ABL2: variants seen among roughly 807,000 people sequenced by gnomAD.
ABL2 encodes tyrosine-protein kinase ABL2.
ABL2 carries 49 observed loss-of-function variants against 107.7 expected under a neutral mutation model. The ratio of observed to expected loss-of-function variants is 0.45; its 90% confidence interval spans 0.36 to 0.58. The LOEUF (loss-of-function observed/expected upper bound fraction) is 0.58. Among genes scored for constraint, ABL2 ranks in the 20% least tolerant of loss-of-function variants. ABL2 has a pLI of 0.00. For synonymous variants in ABL2, 549 were observed against 548.6 expected, an observed-to-expected ratio of 1.00 and a Z score of -0.01; for missense variants, 1,245 against 1,457.0, an observed-to-expected ratio of 0.85 and a Z score of 2.37.
intron 1 of ABL2, among the ~76,000 whole-genome samples, chr1:179,152,380 TTC>T (rs1246699102): frequency 6.6e-6 from 1 of 152,216 alleles, no homozygotes; most frequent in Non-Finnish European, 1.5e-5. Context: ...ATAAAATACC[TTC>T]TCTGAGAGTA....
intron 3 of ABL2, among the ~76,000 whole-genome samples, chr1:179,129,941 T>C (rs909589589): frequency 6.6e-6 from 1 of 151,856 alleles, no homozygotes; most frequent in South Asian, 2.1e-4. Flanking sequence ...CCTATTCTTT[T>C]GTTTTTGTTT....
At chr1:179,147,181 CAAAAAAAAA>C (rs58297805) in intron 1 of ABL2, among the ~76,000 whole-genome samples, 41 of 50,536 alleles carry the variant, frequency 8.1e-4, no homozygotes, top group South Asian at 3.5e-3. Context: ...CAGAGAAATG[CAAAAAAAAA>C]AAAAAAAAAA....
Position 179,108,917 on chromosome 1 carries a change from T to A in ABL2, c.2350A>T (p.Thr784Ser), listed in dbSNP as rs55892721. The change falls in exon 12 of 12, where the codon ACA (threonine) becomes TCA (serine). Residue 784 changes from threonine (T) to serine (S), a missense_variant. Physicochemically the swap from Thr to Ser is moderately conservative, Grantham distance 58. Transcript: ENST00000502732. ...GGAAGCCCTGAGGACATGGAAGATG[T>A]AGAGTTTGACCTTGGAAAAGGCTTG... ...TSKPFPRSNSTSSMSSGLPEQ... is the reference protein window; with the variant it reads ...TSKPFPRSNSSSSMSSGLPEQ... 3.4e-3 allele frequency: 5,487 copies of A among 1,614,082 alleles called. 24 individuals are homozygous for A. Among genetic ancestry groups the A allele is most frequent in the Middle Eastern group, 7.4e-3 (45 of 6,062 alleles).
chr1:179,105,303 GC>G lies in ABL2; in HGVS notation c.*2414del. On this transcript the variant is annotated 3_prime_UTR_variant, in exon 12 of 12. Coordinates refer to ENST00000502732, the MANE Select transcript of ABL2 (RefSeq NM_007314.4). ...TCCAGAACTCTCAAGGGAAAATAGAGCCCTTGCTTAAAAAACAAAAAACAAA... is the reference window on the plus strand; with the variant it reads ...TCCAGAACTCTCAAGGGAAAATAGAGCCTTGCTTAAAAAACAAAAAACAAA... The G allele has an allele frequency of 4.3e-6, 1 of 231,070 alleles. No individual in the cohort carries two copies. The highest frequency in any genetic ancestry group is 8.6e-6 in the Non-Finnish European group (1 of 116,804). The allele number at this position is 231,070 out of a possible 1,614,324, so 14.3% of individuals were successfully genotyped here.
intron 1 of ABL2, among the ~76,000 whole-genome samples, chr1:179,189,416 G>A (rs1660871258): frequency 1.3e-5 from 2 of 152,142 alleles, no homozygotes; most frequent in Admixed American, 6.5e-5. Flanking sequence ...TTACAGGCAT[G>A]AGCCACCGCG....
At chr1:179,112,432 T>G in intron 9 of ABL2, 34 bp from the exon 10 acceptor site, 1 of 1,552,432 alleles carries the variant, frequency 6.4e-7, no homozygotes. Context: ...TAAAAACTCC[T>G]TGCAGAAATT....
intron 1 of ABL2, among the ~76,000 whole-genome samples, chr1:179,137,458 G>A (rs955651612): frequency 4.6e-5 from 7 of 151,914 alleles, no homozygotes; most frequent in African/African-American, 1.7e-4. Flanking sequence ...CAGTGACACT[G>A]GTAACACATT....
chr1:179,124,570 C>A (rs1655566222), intron 4 of ABL2, among the ~76,000 whole-genome samples: 1 of 141,436 alleles, frequency 7.1e-6, no homozygotes, highest in African/African-American at 2.7e-5. Flanking sequence ...CCAGGTTCAA[C>A]CAATTCTCCT....
intron 9 of ABL2, 97 bp downstream of exon 9, chr1:179,114,781 A>G: frequency 1.6e-6 from 2 of 1,284,596 alleles, no homozygotes; most frequent in South Asian, 3.8e-5. Flanking sequence ...GCTGGATTCA[A>G]TCTAACAACA....
intron 1 of ABL2, among the ~76,000 whole-genome samples, chr1:179,192,664 T>C (rs934709981): frequency 2.6e-5 from 4 of 152,148 alleles, no homozygotes; most frequent in African/African-American, 7.2e-5. Flanking sequence ...GTGCCAGACA[T>C]AAAAGAATGA....
chr1:179,102,042 C>A lies in ABL2; in HGVS notation c.*5676G>T, dbSNP rs1653145034. On this transcript the variant is annotated 3_prime_UTR_variant, in exon 12 of 12. Transcript: ENST00000502732. ...TTTTTTTTTTTTTTTGAGACGGAGT[C>A]TCACTGTCACCCAGGCTGGAGTGCA... 1.0e-5 allele frequency: 1 copy of A among 97,040 alleles called. No homozygotes were observed. 6.0% of individuals were successfully genotyped at this position (97,040 alleles called of 1,614,324 possible).
chr1:179,162,864 G>T (rs1362052793), intron 1 of ABL2, among the ~76,000 whole-genome samples: 1 of 152,112 alleles, frequency 6.6e-6, no homozygotes, highest in Non-Finnish European at 1.5e-5. Context: ...AATTATAGCA[G>T]AACCCACATT....
chr1:179,214,811 T>A (rs1423685339), intron 1 of ABL2, among the ~76,000 whole-genome samples: 2 of 152,002 alleles, frequency 1.3e-5, no homozygotes, highest in African/African-American at 2.4e-5. Flanking sequence ...TCAAAAAGGA[T>A]GAGAAATCTA....
chr1:179,215,536 C>T (rs1237471882), intron 1 of ABL2, among the ~76,000 whole-genome samples: 8 of 152,000 alleles, frequency 5.3e-5, no homozygotes, highest in Admixed American at 2.6e-4. Flanking sequence ...GAGTTCGAAA[C>T]CAGCCTGGCT....
chr1:179,205,232 G>A (rs1034895638), intron 1 of ABL2, among the ~76,000 whole-genome samples: 3 of 151,966 alleles, frequency 2.0e-5, no homozygotes, highest in African/African-American at 7.2e-5. Context: ...TCACCATGTT[G>A]GTCAGGCTGG....
intron 1 of ABL2, among the ~76,000 whole-genome samples, chr1:179,142,005 T>C (rs1276072901): frequency 6.6e-6 from 1 of 152,224 alleles, no homozygotes; most frequent in Non-Finnish European, 1.5e-5. Context: ...CTATAGTCTA[T>C]GTCACTTTCC....
At position 179,109,103 on chromosome 1, in the gene ABL2, A is replaced by G; in HGVS notation, c.2164T>C (p.Phe722Leu). 1 of 1,611,824 alleles carries G rather than the reference A, an allele frequency of 6.2e-7. No homozygotes were observed. Among genetic ancestry groups the G allele is most frequent in the Non-Finnish European group, 8.5e-7 (1 of 1,179,596 alleles). ...LVPPKCYGGS[F>L]AQRNLCNDDG... The stretch of plus-strand genomic sequence containing the variant: ...TCATTACAGAGGTTCCTCTGTGCAA[A>G]GCTCCCCCCATAGCACTTGGGTGGC... The change falls in exon 12 of 12, where the codon TTT becomes CTT. Residue 722 changes from phenylalanine to leucine, a missense_variant. Phe to Leu is a conservative substitution (Grantham distance 22). Around this residue, in one of 3 missense-constraint regions of ABL2, gnomAD observed 761 missense variants for 766.4 expected, o/e 0.99. Transcript: ENST00000502732.
intron 3 of ABL2, among the ~76,000 whole-genome samples, chr1:179,129,920 C>T (rs1378475636): frequency 6.6e-6 from 1 of 152,074 alleles, no homozygotes; most frequent in Non-Finnish European, 1.5e-5. Context: ...GAAGGTTAGA[C>T]TCACTATACA....
At chr1:179,207,317 G>C (rs1662031720) in intron 1 of ABL2, among the ~76,000 whole-genome samples, 1 of 152,154 alleles carries the variant, frequency 6.6e-6, no homozygotes. Flanking sequence ...TATCCAATCA[G>C]AATGTTAGCA....
Sources: gnomAD v4.1 joint callset for allele counts (sites outside exome capture counted in the v4.1 genomes callset) on GRCh38, gnomAD v4.1.1 for gene constraint, gnomAD v4.1.1 regional missense constraint, MANE v1.5 for transcripts, NCBI Gene and HGNC (gene_info 2026-07-23, HGNC 2026-07-21) for gene names.